Variants in SYN3 observed in about 807,000 individuals in gnomAD.
The protein encoded by SYN3 is synapsin III, also known as synapsin-3.
Under a neutral mutation model 65.8 loss-of-function variants are expected in SYN3, and 35 were observed. That is an observed-to-expected ratio of 0.53 (90% CI 0.41 to 0.70). The LOEUF (loss-of-function observed/expected upper bound fraction) is 0.70, where lower values mean the gene tolerates loss of function less well. Ranked by LOEUF, SYN3 falls within the 30% of genes least tolerant of loss-of-function variation. SYN3 has a pLI of 0.00. For missense variants in SYN3, 680 were observed against 749.0 expected (o/e 0.91, Z 1.08); for synonymous variants, 270 against 292.9 (o/e 0.92, Z 0.80).
chr22:32,715,594 GA>G (rs2061026442), intron 6 of SYN3, among the ~76,000 whole-genome samples: 2 of 151,938 alleles, frequency 1.3e-5, no homozygotes, highest in African/African-American at 4.8e-5. Flanking sequence ...GCCTGGCCAA[GA>G]TGGTGAAACC....
At chr22:32,765,587 G>C (rs60903857) in intron 6 of SYN3, among the ~76,000 whole-genome samples, 3 of 152,128 alleles carry the variant, frequency 2.0e-5, no homozygotes, top group African/African-American at 4.8e-5. Flanking sequence ...GAGGAGGGTC[G>C]CATAGCAAGG....
intron 4 of SYN3, among the ~76,000 whole-genome samples, chr22:32,925,773 C>T (rs1330978779): frequency 6.6e-6 from 1 of 151,940 alleles, no homozygotes; most frequent in African/African-American, 2.4e-5. Flanking sequence ...CAGTGCAATA[C>T]GTCTGGGACA....
chr22:32,931,369 G>T, intron 4 of SYN3, 21 bp downstream of exon 4: 2 of 1,537,546 alleles, frequency 1.3e-6, no homozygotes, highest in Non-Finnish European at 1.8e-6. Flanking sequence ...AGAAGGTTCT[G>T]CATATTTTAA....
intron 3 of SYN3, among the ~76,000 whole-genome samples, chr22:32,942,382 G>A (rs981462452): frequency 6.6e-6 from 1 of 152,222 alleles, no homozygotes; most frequent in Non-Finnish European, 1.5e-5. Flanking sequence ...TGCAGCTGAG[G>A]GTTCTGACTG....
intron 7 of SYN3, among the ~76,000 whole-genome samples, chr22:32,542,036 G>A (rs2058264221): frequency 6.6e-6 from 1 of 152,160 alleles, no homozygotes; most frequent in South Asian, 2.1e-4. Context: ...AACCCACAGT[G>A]GGGGAAAGGG....
intron 7 of SYN3, among the ~76,000 whole-genome samples, chr22:32,579,728 C>T (rs745915608): frequency 6.6e-6 from 1 of 152,142 alleles, no homozygotes; most frequent in East Asian, 1.9e-4. Context: ...CACTTGCTGC[C>T]AGGGGCCAGA....
chr22:32,527,405 G>A lies in SYN3; in HGVS notation c.1318+513C>T, dbSNP rs556333829. Among the ~76,000 whole-genome samples, 345 of 152,272 alleles carry A rather than the reference G, an allele frequency of 2.3e-3. 1 individual carries two copies. Among genetic ancestry groups the A allele is most frequent in the African/African-American group, 7.9e-3 (329 of 41,548 alleles). On this transcript the variant is annotated intron_variant, in intron 12 of 13. Coordinates refer to ENST00000358763, the MANE Select transcript of SYN3 (RefSeq NM_003490.4). ...ACCTGAGGTCAGGAATTTGAGACCA[G>A]CCTGGCCAACATGGTGAAACCCCAT...
chr22:32,782,551 A>G (rs1369973652), intron 6 of SYN3, among the ~76,000 whole-genome samples: 1 of 121,116 alleles, frequency 8.3e-6, no homozygotes, highest in Admixed American at 9.5e-5. Flanking sequence ...AGAGTCTCGT[A>G]CTGTCTCCTG....
intron 1 of SYN3, among the ~76,000 whole-genome samples, chr22:33,018,153 A>G (rs938275977): frequency 3.9e-5 from 6 of 152,204 alleles, no homozygotes; most frequent in African/African-American, 1.4e-4. Flanking sequence ...TGTGTCTATG[A>G]AAGGAGCCAG....
chr22:32,997,339 G>A (rs982376390), intron 2 of SYN3, among the ~76,000 whole-genome samples: 11 of 152,180 alleles, frequency 7.2e-5, no homozygotes, highest in African/African-American at 2.7e-4. Flanking sequence ...TCCTCAAAGA[G>A]CTCTGTCATT....
chr22:32,954,253 AAGG>A (rs1396255669), intron 3 of SYN3, among the ~76,000 whole-genome samples: 1 of 152,196 alleles, frequency 6.6e-6, no homozygotes, highest in African/African-American at 2.4e-5. Flanking sequence ...CTAGGACAGG[AAGG>A]AGGTTCATCG....
chr22:32,830,527 G>A (rs756086920), intron 6 of SYN3, among the ~76,000 whole-genome samples: 4 of 152,138 alleles, frequency 2.6e-5, no homozygotes, highest in African/African-American at 7.2e-5. Flanking sequence ...ATCCTGGAAC[G>A]GAAGCTCTTG....
intron 5 of SYN3, among the ~76,000 whole-genome samples, chr22:32,865,684 T>G (rs1401661888): frequency 1.3e-5 from 2 of 152,196 alleles, no homozygotes; most frequent in Non-Finnish European, 2.9e-5. Context: ...CTTCAACACT[T>G]GCTTGTTTTG....
At chr22:32,770,021 C>G (rs1426946989) in intron 6 of SYN3, among the ~76,000 whole-genome samples, 1 of 152,210 alleles carries the variant, frequency 6.6e-6, no homozygotes, top group Admixed American at 6.5e-5. Context: ...AGCAGGCAAA[C>G]CCTGACTTCT....
intron 12 of SYN3, 197 bp downstream of exon 12, chr22:32,527,721 A>G: frequency 1.8e-6 from 1 of 559,894 alleles, no homozygotes; most frequent in Non-Finnish European, 3.1e-6. Flanking sequence ...GGTTCTTAAT[A>G]AATTAACCTT....
intron 6 of SYN3, 119 bp from the exon 7 acceptor site, chr22:32,596,855 A>G (rs998527953): frequency 5.8e-6 from 6 of 1,040,322 alleles, no homozygotes; most frequent in Middle Eastern, 4.1e-4. Context: ...TCCCCACAAG[A>G]ATGCTTCGAC....
rs78119617 is a variant in SYN3, at chr22:32,807,592, C to G, written c.711+57323G>C. On this transcript the variant is annotated intron_variant, in intron 6 of 13. Transcript: ENST00000358763. ...TGAGGGAGGTGTGCTATTGTCATCT[C>G]CATTTTACAGCTGAGGAAACTGAGG... 8.5e-3 allele frequency among the ~76,000 whole-genome samples: 1,266 copies of G among 149,776 alleles called. 19 individuals carry two copies. Among genetic ancestry groups the G allele is most frequent in the African/African-American group, 0.029 (1,198 of 40,796 alleles).
At chr22:32,814,396 G>A (rs1224411744) in intron 6 of SYN3, among the ~76,000 whole-genome samples, 1 of 108,200 alleles carries the variant, frequency 9.2e-6, no homozygotes, top group Non-Finnish European at 1.9e-5. Flanking sequence ...AACATTGGGA[G>A]CTGAGCTTAA....
At chr22:32,562,591 G>A (rs140727704) in intron 7 of SYN3, among the ~76,000 whole-genome samples, 10 of 152,270 alleles carry the variant, frequency 6.6e-5, no homozygotes, top group Admixed American at 2.0e-4. Flanking sequence ...GGACTTGACC[G>A]GCTCTGCCCC....
Sources: gnomAD v4.1 joint callset for allele counts (sites outside exome capture counted in the v4.1 genomes callset) on GRCh38, gnomAD v4.1.1 for gene constraint, MANE v1.5 for transcripts, NCBI Gene and HGNC (gene_info 2026-07-23, HGNC 2026-07-21) for gene names.